TNC: variants seen among roughly 807,000 people sequenced by gnomAD.
The protein encoded by TNC is tenascin C.
In TNC, 109 loss-of-function variants were observed where a neutral mutation model predicts 202.4. That is an observed-to-expected ratio of 0.54 (90% CI 0.46 to 0.63). The LOEUF (loss-of-function observed/expected upper bound fraction) is 0.63, where lower values mean the gene tolerates loss of function less well. Ranked by LOEUF, TNC falls within the 30% of genes least tolerant of loss-of-function variation. The probability of loss-of-function intolerance (pLI) is 0.00; values close to 1 mark genes in which losing one functional copy is unlikely to be tolerated. For missense variants in TNC, 2,756 were observed against 2,833.3 expected, an observed-to-expected ratio of 0.97 and a Z score of 0.62; for synonymous variants, 1,007 against 1,089.7, an observed-to-expected ratio of 0.92 and a Z score of 1.50.
intron 1 of TNC, among the ~76,000 whole-genome samples, chr9:115,097,496 T>C (rs1564142505): frequency 6.6e-6 from 1 of 152,080 alleles, no homozygotes; most frequent in Non-Finnish European, 1.5e-5. Context: ...ACAAAAGAGA[T>C]TGGCCAACTC....
Position 115,020,315 on chromosome 9 carries a change from A to C in TNC, c.*842T>G. 1 of 152,986 alleles carries C rather than the reference A, an allele frequency of 6.5e-6. No individual in the cohort carries two copies. Among genetic ancestry groups the C allele is most frequent in the Non-Finnish European group, 1.5e-5 (1 of 68,934 alleles). 9.5% of individuals were successfully genotyped at this position (152,986 alleles called of 1,614,324 possible). A position where few individuals can be genotyped will look rare whatever the true frequency, so the allele number is the denominator to read the frequency against. ...CTATCCTCCCACCTTGGCCTCCCAA[A>C]GTGTTGGGATTACAGGCCTGGCCTG... On this transcript the variant is annotated 3_prime_UTR_variant, in exon 28 of 28. Coordinates refer to ENST00000350763, the MANE Select transcript of TNC (RefSeq NM_002160.4).
At chr9:115,089,017 G>A (rs1353564819) in intron 2 of TNC, among the ~76,000 whole-genome samples, 1 of 152,072 alleles carries the variant, frequency 6.6e-6, no homozygotes, top group African/African-American at 2.4e-5. Context: ...AAGATTACAT[G>A]TGTGAGTCAT....
At chr9:115,108,628 T>G (rs1836799559) in intron 1 of TNC, among the ~76,000 whole-genome samples, 2 of 152,250 alleles carry the variant, frequency 1.3e-5, no homozygotes. Flanking sequence ...ATGTGATTCC[T>G]TTTTATTGTC....
At chr9:115,084,176 G>C in intron 4 of TNC, 33 bp downstream of exon 4, 1 of 1,603,646 alleles carries the variant, frequency 6.2e-7, no homozygotes, top group East Asian at 2.2e-5. Context: ...CTGACATCAG[G>C]TGAGGCTGCC....
In TNC at chr9:115,062,968, C is replaced by T. The variant is rs1024520572; in HGVS notation, c.3982G>A (p.Gly1328Ser). 17 of 1,613,920 alleles carry T rather than the reference C, an allele frequency of 1.1e-5. 1 individual carries two copies. Among genetic ancestry groups the T allele is most frequent in the South Asian group, 8.8e-5 (8 of 91,072 alleles). The change falls in exon 13 of 28, where the codon GGC becomes AGC. Residue 1328 changes from glycine to serine, a missense_variant. Gly to Ser is a moderately conservative substitution (Grantham distance 56, BLOSUM62 0). Coordinates refer to ENST00000350763, the MANE Select transcript of TNC (RefSeq NM_002160.4). ...AGTPYTVTLH[G>S]EVRGHSTRPL... ...CGAGTGCTGTGGCCCCTGACCTCGCCGTGCAGGGTGACTGTGTAAGGAGTG... is the reference window on the plus strand; with the variant it reads ...CGAGTGCTGTGGCCCCTGACCTCGCTGTGCAGGGTGACTGTGTAAGGAGTG...
At chr9:115,052,154 T>G (rs1261612684) in intron 15 of TNC, among the ~76,000 whole-genome samples, 1 of 151,644 alleles carries the variant, frequency 6.6e-6, no homozygotes, top group East Asian at 1.9e-4. Flanking sequence ...TCTGTCATTT[T>G]CAACAACACG....
At chr9:115,054,697 C>T (rs993960927) in intron 15 of TNC, among the ~76,000 whole-genome samples, 1 of 152,158 alleles carries the variant, frequency 6.6e-6, no homozygotes, top group Non-Finnish European at 1.5e-5. Context: ...AAATGAGGGG[C>T]ATTTTTCTCC....
chr9:115,091,293 T>C (rs1175966257), intron 1 of TNC, 139 bp from the exon 2 acceptor site: 4 of 420,410 alleles, frequency 9.5e-6, no homozygotes, highest in Non-Finnish European at 1.7e-5. Context: ...ACCCTTGAAA[T>C]AACATACAAT....
At chr9:115,079,240 T>A (rs547817543) in intron 6 of TNC, among the ~76,000 whole-genome samples, 8 of 151,838 alleles carry the variant, frequency 5.3e-5, no homozygotes, top group South Asian at 4.1e-4. Flanking sequence ...TTTTTTTTTT[T>A]AAATGTGTTT....
At position 115,063,893 on chromosome 9, in the gene TNC, G is replaced by T. The variant is rs779574475; in HGVS notation, c.3663C>A (p.Asp1221Glu). The change falls in exon 12 of 28, where the codon GAC becomes GAA. Residue 1221 changes from aspartate (D) to glutamate (E), a missense_variant. Transcript: ENST00000350763. Reference sequence around the variant, plus strand: ...GAGTGGCTGCTTTGAGCCCAGGCAGGTCTGTGGACCTCAGTCCTCCTGGGA... The same window carrying T: ...GAGTGGCTGCTTTGAGCCCAGGCAGTTCTGTGGACCTCAGTCCTCCTGGGA... ...LTVPGGLRST[D>E]LPGLKAATHY... 1.2e-6 allele frequency: 2 copies of T among 1,614,212 alleles called. No homozygotes were observed. The highest frequency in any genetic ancestry group is 1.1e-5 in the South Asian group (1 of 91,084).
chr9:115,024,460 T>C (rs1829321426), intron 26 of TNC, among the ~76,000 whole-genome samples: 1 of 152,228 alleles, frequency 6.6e-6, no homozygotes, highest in African/African-American at 2.4e-5. Flanking sequence ...TTTTCTCATC[T>C]ATACAATGGA....
At chr9:115,080,867 G>A (rs1003876284) in intron 6 of TNC, among the ~76,000 whole-genome samples, 7 of 149,510 alleles carry the variant, frequency 4.7e-5, no homozygotes, top group East Asian at 4.0e-4. Context: ...AACTGAGATC[G>A]TTCCACTGCA....
intron 1 of TNC, among the ~76,000 whole-genome samples, chr9:115,091,787 G>T (rs1835257303): frequency 6.6e-6 from 1 of 152,174 alleles, no homozygotes; most frequent in South Asian, 2.1e-4. Context: ...CTAGTTATAT[G>T]ACTGTCAGTA....
At chr9:115,071,898 GC>G (rs1166720171) in intron 10 of TNC, among the ~76,000 whole-genome samples, 1 of 151,808 alleles carries the variant, frequency 6.6e-6, no homozygotes, top group African/African-American at 2.4e-5. Flanking sequence ...TTCTATCCCC[GC>G]CCCCCACCTT....
intron 19 of TNC, 134 bp from the exon 20 acceptor site, chr9:115,038,514 A>C: frequency 8.4e-7 from 1 of 1,197,254 alleles, no homozygotes; most frequent in Non-Finnish European, 1.1e-6. Flanking sequence ...TCAGAGACCT[A>C]AGCCTGGAGC....
At chr9:115,087,347 A>G (rs1440498274) in intron 2 of TNC, 74 bp from the exon 3 acceptor site, 1 of 1,494,142 alleles carries the variant, frequency 6.7e-7, no homozygotes, top group East Asian at 2.3e-5. Flanking sequence ...CAGGGCACCC[A>G]GATTCAAATT....
intron 8 of TNC, 124 bp from the exon 9 acceptor site, chr9:115,076,245 A>G: frequency 7.2e-7 from 1 of 1,395,264 alleles, no homozygotes; most frequent in South Asian, 1.2e-5. Context: ...TTTACAAAAG[A>G]ACTCACTGCA....
chr9:115,072,728 T>C (rs571973797), intron 10 of TNC, among the ~76,000 whole-genome samples: 17 of 152,316 alleles, frequency 1.1e-4, no homozygotes, highest in Middle Eastern at 3.4e-3. Flanking sequence ...CAAATATCAG[T>C]ACGGTACAAT....
rs1261019634 is a variant in TNC, at chr9:115,029,444, G to A, written c.6085C>T (p.Arg2029Cys). 6.2e-6 allele frequency: 10 copies of A among 1,614,106 alleles called. No homozygotes were observed. Among genetic ancestry groups the A allele is most frequent in the African/African-American group, 2.7e-5 (2 of 75,028 alleles). The change falls in exon 25 of 28, where the codon CGC (arginine) becomes TGC (cysteine). Residue 2029 changes from arginine to cysteine, a missense_variant. Arg to Cys is a radical substitution (Grantham distance 180). This residue lies in a region of TNC where 197 missense variants were observed against 287.3 expected (regional missense o/e 0.69). Coordinates refer to ENST00000350763, the MANE Select transcript of TNC (RefSeq NM_002160.4). ...TAGAAGTTCTCGCGTCCGTTTTTGC[G>A]TCTCAGGAACACCTATAAACATATC... is the stretch of plus-strand genomic sequence containing the variant. ...DGGGWIVFLR[R>C]KNGRENFYQN...
Sources: gnomAD v4.1 joint callset for allele counts (sites outside exome capture counted in the v4.1 genomes callset) on GRCh38, gnomAD v4.1.1 for gene constraint, gnomAD v4.1.1 regional missense constraint, MANE v1.5 for transcripts, NCBI Gene and HGNC (gene_info 2026-07-23, HGNC 2026-07-21) for gene names.